Variants in CCDC148 observed in about 807,000 individuals in gnomAD.
The protein encoded by CCDC148 is coiled-coil domain containing 148, also known as coiled-coil domain-containing protein 148.
In CCDC148, 89 loss-of-function variants were observed where a neutral mutation model predicts 85.7. The ratio of observed to expected loss-of-function variants is 1.04; its 90% confidence interval spans 0.87 to 1.24. CCDC148 has a LOEUF of 1.24. Among genes scored for constraint, CCDC148 ranks in the 50% most tolerant of loss-of-function variants. CCDC148 has a pLI of 0.00. For synonymous variants in CCDC148, 230 were observed against 213.9 expected, an observed-to-expected ratio of 1.08 and a Z score of -0.66; for missense variants, 692 against 671.7, an observed-to-expected ratio of 1.03 and a Z score of -0.33.
intron 9 of CCDC148, among the ~76,000 whole-genome samples, chr2:158,279,454 A>C (rs899632222): frequency 2.0e-5 from 3 of 152,244 alleles, no homozygotes; most frequent in Non-Finnish European, 2.9e-5. Context: ...GCTGAAAGCC[A>C]AGGCATGAGA....
In CCDC148 at chr2:158,217,920, G is replaced by A. The variant is rs371413071; in HGVS notation, c.1370+2675C>T. ...TTGTATTTCAGTAGTACAGAAAAATGTTTTAACCAATCAACCGAATTTCTT... is the reference window on the plus strand; with the variant it reads ...TTGTATTTCAGTAGTACAGAAAAATATTTTAACCAATCAACCGAATTTCTT... On this transcript the variant is annotated intron_variant, in intron 11 of 13. Coordinates refer to ENST00000283233, the MANE Select transcript of CCDC148 (RefSeq NM_138803.4). Among the ~76,000 whole-genome samples, 15 of 152,296 alleles carry A rather than the reference G, an allele frequency of 9.8e-5. No individual in the cohort carries two copies. The South Asian group carries it at 2.3e-3, about 23-fold the overall frequency.
At chr2:158,208,368 C>G (rs1686366928) in intron 11 of CCDC148, among the ~76,000 whole-genome samples, 1 of 152,126 alleles carries the variant, frequency 6.6e-6, no homozygotes, top group South Asian at 2.1e-4. Context: ...TTCTGAGCCC[C>G]CTTCCTCCTT....
chr2:158,223,598 G>C (rs892983492), intron 10 of CCDC148, among the ~76,000 whole-genome samples: 2 of 152,134 alleles, frequency 1.3e-5, no homozygotes, highest in African/African-American at 4.8e-5. Flanking sequence ...ACCTCACATG[G>C]CTGGGTACTC....
At chr2:158,288,932 T>C in intron 9 of CCDC148, 1 of 258,422 alleles carries the variant, frequency 3.9e-6, no homozygotes, top group Non-Finnish European at 7.6e-6. Flanking sequence ...TCATACATGG[T>C]GGCAGCAAGA....
intron 2 of CCDC148, among the ~76,000 whole-genome samples, chr2:158,351,001 T>A (rs964085322): frequency 1.2e-4 from 18 of 152,260 alleles, no homozygotes; most frequent in African/African-American, 4.1e-4. Flanking sequence ...CCTATCTCAT[T>A]GTAACTTCAT....
intron 5 of CCDC148, 130 bp downstream of exon 5, chr2:158,340,112 A>G (rs1682598225): frequency 1.5e-6 from 1 of 661,826 alleles, no homozygotes; most frequent in Non-Finnish European, 2.3e-6. Flanking sequence ...CTGCCCTTCT[A>G]TTTAAATATT....
At chr2:158,362,604 T>C (rs1015958119) in intron 1 of CCDC148, among the ~76,000 whole-genome samples, 1 of 152,192 alleles carries the variant, frequency 6.6e-6, no homozygotes, top group South Asian at 2.1e-4. Flanking sequence ...GAAATAAAGA[T>C]GTTCTTTGAA....
chr2:158,379,801 C>T (rs771751456), intron 1 of CCDC148, among the ~76,000 whole-genome samples: 3 of 152,128 alleles, frequency 2.0e-5, no homozygotes, highest in Non-Finnish European at 4.4e-5. Context: ...AGACATAATG[C>T]TATTGCACAT....
rs1195709415 is a variant in CCDC148 at position 158,387,412 on chromosome 2, G to T, written c.26-28842C>A. Among the ~76,000 whole-genome samples the T allele has an allele frequency of 7.9e-5, 12 of 151,938 alleles. 1 individual carries two copies. ...ATATTTGTAACTTCTTTCTCCAACA[G>T]TGAGAAGTCCAGCTGCCGTTAACTT... On this transcript the variant is annotated intron_variant, in intron 1 of 13. Transcript: ENST00000283233.
intron 1 of CCDC148, among the ~76,000 whole-genome samples, chr2:158,368,002 A>C (rs1016170008): frequency 1.3e-5 from 2 of 152,156 alleles, no homozygotes; most frequent in Non-Finnish European, 2.9e-5. Flanking sequence ...AAAATCATAC[A>C]CCTAGTCAGT....
chr2:158,229,572 C>A (rs185345395), intron 10 of CCDC148, among the ~76,000 whole-genome samples: 34 of 152,306 alleles, frequency 2.2e-4, no homozygotes, highest in East Asian at 5.8e-4. Flanking sequence ...CAGCTCCATA[C>A]CTGCTGCTAT....
At chr2:158,350,656 A>T (rs997444559) in intron 2 of CCDC148, among the ~76,000 whole-genome samples, 12 of 152,182 alleles carry the variant, frequency 7.9e-5, no homozygotes, top group Admixed American at 7.9e-4. Flanking sequence ...TACATCTCAA[A>T]TATCTAAAAA....
chr2:158,198,498 C>A (rs1218630796), intron 11 of CCDC148, among the ~76,000 whole-genome samples: 1 of 152,186 alleles, frequency 6.6e-6, no homozygotes, highest in African/African-American at 2.4e-5. Flanking sequence ...TCATTATATT[C>A]ATTTTCTGAA....
intron 12 of CCDC148, chr2:158,178,230 G>T (rs1411716954): frequency 1.3e-5 from 2 of 151,966 alleles, no homozygotes; most frequent in African/African-American, 4.8e-5. Context: ...TTTCCTATTA[G>T]CTGGGAAACG....
At chr2:158,172,621 A>C (rs1232253050) in intron 13 of CCDC148, among the ~76,000 whole-genome samples, 1 of 152,122 alleles carries the variant, frequency 6.6e-6, no homozygotes, top group East Asian at 1.9e-4. Context: ...GATTAAAATA[A>C]ATCTAAGCCA....
chr2:158,173,002 C>A (rs1004080886), intron 13 of CCDC148, among the ~76,000 whole-genome samples: 2 of 152,026 alleles, frequency 1.3e-5, no homozygotes, highest in Non-Finnish European at 2.9e-5. Flanking sequence ...GTAAAAGCAG[C>A]CCCTCCAGGA....
At chr2:158,415,905 C>A (rs1457265717) in intron 1 of CCDC148, among the ~76,000 whole-genome samples, 2 of 152,238 alleles carry the variant, frequency 1.3e-5, no homozygotes, top group African/African-American at 4.8e-5. Flanking sequence ...TCCATCTCCA[C>A]ATTTCCCCTC....
chr2:158,427,481 T>C (rs1479449470), intron 1 of CCDC148, among the ~76,000 whole-genome samples: 1 of 152,146 alleles, frequency 6.6e-6, no homozygotes. Flanking sequence ...AATCTATAGA[T>C]ATTATAAATA....
chr2:158,301,935 G>A (rs1382137306), intron 9 of CCDC148, among the ~76,000 whole-genome samples: 1 of 152,182 alleles, frequency 6.6e-6, no homozygotes, highest in Non-Finnish European at 1.5e-5. Flanking sequence ...GTAGAGCTAG[G>A]GACTGCCCAA....
Sources: allele counts gnomAD v4.1 joint callset (sites outside exome capture counted in the v4.1 genomes callset), GRCh38; gene constraint gnomAD v4.1.1; transcripts MANE v1.5; gene names NCBI Gene and HGNC (gene_info 2026-07-23, HGNC 2026-07-21).